PTCH1: variants seen among roughly 807,000 people sequenced by gnomAD.
PTCH1 encodes the protein protein patched homolog 1.
Under a neutral mutation model 144.6 loss-of-function variants are expected in PTCH1, and 14 were observed. The ratio of observed to expected loss-of-function variants is 0.10; its 90% confidence interval spans 0.06 to 0.15. The LOEUF is 0.15. PTCH1 is among the 10% of genes least tolerant of loss of function. The pLI, the probability that PTCH1 is intolerant of heterozygous loss-of-function variation, is 1.00. For missense variants in PTCH1, 1,623 were observed against 1,948.3 expected, an observed-to-expected ratio of 0.83 and a Z score of 3.14; for synonymous variants, 833 against 793.6, an observed-to-expected ratio of 1.05 and a Z score of -0.83.
chr9:95,515,630 T>G (rs1217183791), intron 1 of PTCH1, among the ~76,000 whole-genome samples: 1 of 152,136 alleles, frequency 6.6e-6, no homozygotes, highest in Non-Finnish European at 1.5e-5. Context: ...AAAGTGAGAA[T>G]CGGTCCGGCC....
At chr9:95,468,555 T>C (rs759053705) in intron 14 of PTCH1, among the ~76,000 whole-genome samples, 196 bp downstream of exon 14, 2 of 152,166 alleles carry the variant, frequency 1.3e-5, no homozygotes, top group Non-Finnish European at 2.9e-5. Context: ...AGAGGTTCAC[T>C]CCCATGGAAG....
exon 1 of PTCH1, chr9:95,516,823 C>T (rs1377142302): frequency 1.9e-6 from 3 of 1,597,716 alleles, no homozygotes; most frequent in South Asian, 1.1e-5. Flanking sequence ...AGTTCCATGG[C>T]CCTCGGCGTG....
At chr9:95,508,038 AGT>A (rs1279918976) in intron 1 of PTCH1, 121 bp downstream of exon 1, 14 of 1,356,164 alleles carry the variant, frequency 1.0e-5, no homozygotes, top group South Asian at 6.2e-5. Flanking sequence ...GAGAGGTGTG[AGT>A]GAGTGTGTGT....
chr9:95,467,474 C>A (rs779197133), intron 14 of PTCH1, 49 bp from the exon 15 acceptor site: 5 of 1,579,550 alleles, frequency 3.2e-6, no homozygotes, highest in Non-Finnish European at 3.5e-6. Context: ...ACCACTGACT[C>A]TTCCTGGACA....
At chr9:95,513,016 G>A (rs1336632766), upstream of PTCH1, among the ~76,000 whole-genome samples, 1 of 152,200 alleles carries the variant, frequency 6.6e-6, no homozygotes, top group Non-Finnish European at 1.5e-5. Flanking sequence ...GATGCCTTAA[G>A]CTCTCCGGAT....
chr9:95,508,040 T>A, intron 1 of PTCH1, 121 bp downstream of exon 1: 1 of 921,092 alleles, frequency 1.1e-6, no homozygotes, highest in Non-Finnish European at 1.5e-6. Flanking sequence ...GAGGTGTGAG[T>A]GAGTGTGTGT....
chr9:95,501,189 T>C (rs541070684), intron 2 of PTCH1, among the ~76,000 whole-genome samples: 21 of 152,212 alleles, frequency 1.4e-4, no homozygotes, highest in African/African-American at 4.8e-4. Flanking sequence ...TCGTGATGAT[T>C]TGGGACACCC....
chr9:95,449,784 C>G lies in PTCH1; in HGVS notation c.3549+57G>C, dbSNP rs1838292925. The G allele has an allele frequency of 3.4e-6, 5 of 1,485,910 alleles. No homozygotes were observed. Among genetic ancestry groups the G allele is most frequent in the Non-Finnish European group, 2.8e-6 (3 of 1,066,752 alleles). The allele number at this position is 1,485,910 out of a possible 1,614,324, so 92.0% of individuals were successfully genotyped here. A position where few individuals can be genotyped will look rare whatever the true frequency, so the allele number is the denominator to read the frequency against. ...CTAAGTATCGAAGTGAAGAGCGGCA[C>G]AGGAAACACAGCATTCAGCCGGCCT... On this transcript the variant is annotated intron_variant, in intron 21 of 23. Transcript: ENST00000331920. This position sits in a 1 kb window ranked among gnomAD's most constrained non-coding sequence, Gnocchi z 5.3.
chr9:95,467,053 G>A, intron 15 of PTCH1, 63 bp downstream of exon 15: 1 of 1,536,388 alleles, frequency 6.5e-7, no homozygotes. Context: ...TCATGACAAA[G>A]GAACCTGTTG....
rs1748033630 is a variant in PTCH1, at chr9:95,446,108, G to A, written c.*285C>T. The A allele has an allele frequency of 4.2e-6, 1 of 235,520 alleles. No homozygotes were observed. The allele number at this position is 235,520 out of a possible 1,614,324, so 14.6% of individuals were successfully genotyped here. On this transcript the variant is annotated 3_prime_UTR_variant, in exon 24 of 24. Transcript: ENST00000331920. ...GGCACGGAGCCCAATGCACAAATAC[G>A]GAGAGGCCCCACTGTGGCCTCCACA... is the stretch of plus-strand genomic sequence containing the variant.
intron 12 of PTCH1, among the ~76,000 whole-genome samples, chr9:95,472,548 G>A (rs2118165973): frequency 6.6e-6 from 1 of 152,324 alleles, no homozygotes; most frequent in South Asian, 2.1e-4. Flanking sequence ...GAATGGAGGA[G>A]TGGAATGTAG....
At chr9:95,447,592 A>C in intron 22 of PTCH1, 141 bp from the exon 23 acceptor site, 1 of 877,302 alleles carries the variant, frequency 1.1e-6, no homozygotes, top group Non-Finnish European at 1.7e-6. Flanking sequence ...CCCACAAAAG[A>C]AAAGCCTGTC....
At position 95,477,659 on chromosome 9, in the gene PTCH1, T is replaced by C. The variant is rs756171491; in HGVS notation, c.1391A>G (p.Lys464Arg). ...AGCCAGCCCCACGGCACCCTGGGAC[T>C]TGGAGCAGTCCCAGCGCAGCATGGT... is the stretch of plus-strand genomic sequence containing the variant. Reference protein sequence around the residue: ...CLTMLRWDCSKSQGAVGLAGV... With the variant: ...CLTMLRWDCSRSQGAVGLAGV... The change falls in exon 10 of 24, where the codon AAG (lysine) becomes AGG (arginine). Residue 464 changes from lysine (K) to arginine (R), a missense_variant. This residue lies in a region of PTCH1 where 135 missense variants were observed against 228.7 expected (regional missense o/e 0.59). Transcript: ENST00000331920. 7.4e-6 allele frequency: 12 copies of C among 1,614,070 alleles called. No individual in the cohort carries two copies. Among genetic ancestry groups the C allele is most frequent in the Middle Eastern group, 1.6e-4 (1 of 6,082 alleles).
chr9:95,449,015 G>A lies in PTCH1; in HGVS notation c.3804+54C>T, dbSNP rs188219594. 1.7e-4 allele frequency: 276 copies of A among 1,609,744 alleles called. 5 individuals are homozygous for A. In the East Asian group the frequency reaches 6.0e-3, roughly 35 times the overall value. ...GACAGGAGCCCCCGCTGGACCTCCA[G>A]GCCCACTACCACGGTGGGAAGACCC... On this transcript the variant is annotated intron_variant, in intron 22 of 23. Coordinates refer to ENST00000331920, the MANE Select transcript of PTCH1 (RefSeq NM_000264.5). This position sits in a 1 kb window ranked among gnomAD's most constrained non-coding sequence, Gnocchi z 5.3.
intron 2 of PTCH1, among the ~76,000 whole-genome samples, chr9:95,494,645 C>A (rs1842670259): frequency 6.6e-6 from 1 of 152,198 alleles, no homozygotes; most frequent in African/African-American, 2.4e-5. Flanking sequence ...TGGGCGGGCC[C>A]AGAGGTGTGA....
At chr9:95,492,253 C>A (rs1057233952) in intron 2 of PTCH1, among the ~76,000 whole-genome samples, 1 of 152,236 alleles carries the variant, frequency 6.6e-6, no homozygotes, top group South Asian at 2.1e-4. Context: ...TCTGGTGATG[C>A]TATTGTGCTG....
rs149258400 is a variant in PTCH1 at position 95,468,828 on chromosome 9, G to A, written c.2173C>T (p.Pro725Ser). The change falls in exon 14 of 24, where the codon CCC becomes TCC. Residue 725 changes from proline to serine, a missense_variant. Physicochemically the swap from Pro to Ser is moderately conservative, Grantham distance 74 (BLOSUM62 -1). Coordinates refer to ENST00000331920, the MANE Select transcript of PTCH1 (RefSeq NM_000264.5). The stretch of plus-strand genomic sequence containing the variant: ...GAGAGTGTCCACTTCGTACAGGGGG[G>A]CTCGAGGCAGTGGAGGCTGGAGTCG... The part of the protein sequence containing the change: ...FSDSSLHCLE[P>S]PCTKWTLSSF... The A allele has an allele frequency of 8.8e-4, 1,420 of 1,614,158 alleles. 7 individuals carry two copies. The Middle Eastern group carries it at 0.015, about 17-fold the overall frequency.
intron 15 of PTCH1, among the ~76,000 whole-genome samples, chr9:95,464,404 T>C (rs973726233): frequency 1.3e-5 from 2 of 152,238 alleles, no homozygotes; most frequent in Non-Finnish European, 2.9e-5. Flanking sequence ...CTTAATATCT[T>C]AGCTAGAAGT....
At chr9:95,510,804 A>G (rs1388535392), upstream of PTCH1, among the ~76,000 whole-genome samples, 1 of 151,112 alleles carries the variant, frequency 6.6e-6, no homozygotes, top group African/African-American at 2.4e-5. Flanking sequence ...GAGCAGGGAG[A>G]AGGCGGAGCT....
Sources: allele counts gnomAD v4.1 joint callset (sites outside exome capture counted in the v4.1 genomes callset), GRCh38; gene constraint gnomAD v4.1.1; regional missense constraint gnomAD v4.1.1; non-coding constraint Gnocchi (gnomAD v3.1); transcripts MANE v1.5; gene names NCBI Gene and HGNC (gene_info 2026-07-23, HGNC 2026-07-21).